Variants in IGF1R observed in about 807,000 individuals in gnomAD.
The protein encoded by IGF1R is insulin-like growth factor 1 receptor.
IGF1R carries 44 observed loss-of-function variants against 144.6 expected under a neutral mutation model. The ratio of observed to expected loss-of-function variants is 0.30; its 90% CI spans 0.24 to 0.39. The LOEUF is 0.39. IGF1R is among the 10% of genes least tolerant of loss of function. The probability of loss-of-function intolerance (pLI) is 1.00; values close to 1 mark genes in which losing one functional copy is unlikely to be tolerated. For missense variants in IGF1R, 1,355 were observed against 1,833.7 expected (o/e 0.74, Z 4.77); for synonymous variants, 795 against 722.8 (o/e 1.10, Z -1.60).
chr15:98,859,158 G>A (rs2012004076), intron 2 of IGF1R, among the ~76,000 whole-genome samples: 1 of 151,998 alleles, frequency 6.6e-6, no homozygotes, highest in Admixed American at 6.5e-5. Flanking sequence ...TATCATTGCA[G>A]TTACAAAGCC....
chr15:98,913,386 TTGTCTTTCTTGTCAATAGGTAATACTG>T, intron 8 of IGF1R, 104 bp downstream of exon 8: 1 of 864,126 alleles, frequency 1.2e-6, no homozygotes, highest in Non-Finnish European at 2.0e-6. Flanking sequence ...GCTATGCCTG[TTGTCTTTCTTGTCAATAGGTAATACTG>T]TGTCATATTC....
chr15:98,673,440 C>G (rs1374957426), intron 1 of IGF1R, among the ~76,000 whole-genome samples: 1 of 152,172 alleles, frequency 6.6e-6, no homozygotes, highest in Non-Finnish European at 1.5e-5. Context: ...TAGCTGTAGT[C>G]TTCTGGAGGC....
At chr15:98,730,507 G>C (rs982249536) in intron 2 of IGF1R, among the ~76,000 whole-genome samples, 1 of 152,098 alleles carries the variant, frequency 6.6e-6, no homozygotes, top group Admixed American at 6.5e-5. Context: ...TGACTCTGTT[G>C]GCTCTCAGCT....
chr15:98,656,076 A>G (rs2052478061), intron 1 of IGF1R, among the ~76,000 whole-genome samples: 1 of 152,214 alleles, frequency 6.6e-6, no homozygotes, highest in African/African-American at 2.4e-5. Flanking sequence ...GTGAGGGATG[A>G]ACACCTACGA....
chr15:98,709,448 C>T (rs1290622179), intron 2 of IGF1R, among the ~76,000 whole-genome samples: 1 of 152,238 alleles, frequency 6.6e-6, no homozygotes, highest in Non-Finnish European at 1.5e-5. Flanking sequence ...TCTGAGAATG[C>T]AGTCAGGCCA....
At chr15:98,881,685 G>A (rs1482875699) in intron 2 of IGF1R, among the ~76,000 whole-genome samples, 2 of 152,190 alleles carry the variant, frequency 1.3e-5, no homozygotes, top group African/African-American at 4.8e-5. Context: ...CACGGTGGGG[G>A]AAGAGGCTGC....
chr15:98,679,806 C>T lies in IGF1R; in HGVS notation c.95-27756C>T, dbSNP rs76983747. Among the ~76,000 whole-genome samples the T allele has an allele frequency of 5.4e-3, 819 of 152,156 alleles. 5 individuals are homozygous for T. The highest frequency in any genetic ancestry group is 0.019 in the African/African-American group (787 of 41,504). On this transcript the variant is annotated intron_variant, in intron 1 of 20. Coordinates refer to ENST00000650285, the MANE Select transcript of IGF1R (RefSeq NM_000875.5). Reference sequence around the variant, plus strand: ...TTGTGATCATAGGAGCTGATGGCTCCGCCTGGGTTACTGCCCCTGTAGACT... The same window carrying T: ...TTGTGATCATAGGAGCTGATGGCTCTGCCTGGGTTACTGCCCCTGTAGACT...
intron 10 of IGF1R, among the ~76,000 whole-genome samples, chr15:98,921,286 A>G (rs1280932620): frequency 6.6e-6 from 1 of 152,120 alleles, no homozygotes; most frequent in East Asian, 1.9e-4. Context: ...GGGAGCCACA[A>G]AGCCCATTTC....
Position 98,957,270 on chromosome 15 carries a change from C to CGTCCTCCCT in IGF1R, c.3934_3942dup (p.Ser1312_Leu1314dup). The CGTCCTCCCT allele has an allele frequency of 6.2e-7, 1 of 1,613,958 alleles. No homozygotes were observed. Among genetic ancestry groups the CGTCCTCCCT allele is most frequent in the South Asian group, 1.1e-5 (1 of 91,074 alleles). The stretch of plus-strand genomic sequence containing the variant: ...GTCCCCCTGGACCCCTCGGCCTCCT[C>CGTCCTCCCT]GTCCTCCCTGCCACTGCCCGACAGA... On this transcript the variant is annotated inframe_insertion, in exon 21 of 21. Transcript: ENST00000650285.
intron 2 of IGF1R, among the ~76,000 whole-genome samples, chr15:98,754,797 A>G (rs1055779595): frequency 6.6e-6 from 1 of 152,200 alleles, no homozygotes. Flanking sequence ...AATTATCCCC[A>G]TTTTACAGAT....
intron 2 of IGF1R, among the ~76,000 whole-genome samples, chr15:98,831,126 C>A (rs982145819): frequency 6.6e-6 from 1 of 152,218 alleles, no homozygotes; most frequent in Non-Finnish European, 1.5e-5. Flanking sequence ...CCACCTCCAA[C>A]AATGGGAATC....
chr15:98,929,742 A>G, intron 14 of IGF1R, 82 bp downstream of exon 14: 1 of 963,392 alleles, frequency 1.0e-6, no homozygotes, highest in Non-Finnish European at 1.7e-6. Context: ...ATATTTTTGA[A>G]GATTTCAAGG....
intron 2 of IGF1R, among the ~76,000 whole-genome samples, chr15:98,784,964 C>G (rs1028790241): frequency 4.6e-5 from 7 of 152,100 alleles, no homozygotes; most frequent in Non-Finnish European, 8.8e-5. Flanking sequence ...TACAACATGT[C>G]TAGATTTTCG....
rs985207458 is a variant in IGF1R at position 98,962,872 on chromosome 15, C to T, written c.*5430C>T. ...AATTGTTCAAGAACACAAACTACAT[C>T]GCACTCGTCAGTTGTCAGTTCTGGG... On this transcript the variant is annotated 3_prime_UTR_variant, in exon 21 of 21. Transcript: ENST00000650285. 9.4e-5 allele frequency: 22 copies of T among 233,600 alleles called. No homozygotes were observed. The highest frequency in any genetic ancestry group is 4.5e-4 in the Admixed American group (8 of 17,782). The allele number at this position is 233,600 out of a possible 1,614,324, so 14.5% of individuals were successfully genotyped here. A position where few individuals can be genotyped will look rare whatever the true frequency, so the allele number is the denominator to read the frequency against.
At chr15:98,787,160 AT>A (rs2056017992) in intron 2 of IGF1R, among the ~76,000 whole-genome samples, 1 of 152,138 alleles carries the variant, frequency 6.6e-6, no homozygotes, top group Non-Finnish European at 1.5e-5. Context: ...CCTGGGAAGG[AT>A]TCATGGCATA....
chr15:98,665,802 T>C (rs1436205920), intron 1 of IGF1R, among the ~76,000 whole-genome samples: 1 of 152,340 alleles, frequency 6.6e-6, no homozygotes, highest in East Asian at 1.9e-4. Flanking sequence ...TGTTGCCTGA[T>C]GCAGGATGGT....
At chr15:98,832,457 C>T (rs1346896342) in intron 2 of IGF1R, among the ~76,000 whole-genome samples, 2 of 152,150 alleles carry the variant, frequency 1.3e-5, no homozygotes, top group East Asian at 3.8e-4. Flanking sequence ...TTAGATTACC[C>T]CTGAGATGTG....
chr15:98,684,002 C>G (rs780830629), intron 1 of IGF1R, among the ~76,000 whole-genome samples: 4 of 152,160 alleles, frequency 2.6e-5, no homozygotes, highest in Non-Finnish European at 5.9e-5. Flanking sequence ...GCAGTATTGT[C>G]TTCTCCAGCT....
At chr15:98,887,899 T>A (rs1185445893) in intron 2 of IGF1R, among the ~76,000 whole-genome samples, 1 of 152,246 alleles carries the variant, frequency 6.6e-6, no homozygotes, top group East Asian at 1.9e-4. Flanking sequence ...GTTGTTCCCT[T>A]GCCTAAAACT....
Sources: allele counts gnomAD v4.1 joint callset (sites outside exome capture counted in the v4.1 genomes callset), GRCh38; gene constraint gnomAD v4.1.1; transcripts MANE v1.5; gene names NCBI Gene and HGNC (gene_info 2026-07-23, HGNC 2026-07-21).